Variants in PCDHGA10 observed in about 807,000 individuals in gnomAD.
PCDHGA10 encodes the protein protocadherin gamma subfamily A, 10.
PCDHGA10 carries 42 observed loss-of-function variants against 59.5 expected under a neutral mutation model. That is an observed-to-expected ratio of 0.71 (90% CI 0.55 to 0.91). The LOEUF (loss-of-function observed/expected upper bound fraction) is 0.91, where lower values mean the gene tolerates loss of function less well. PCDHGA10 is among the 40% of genes least tolerant of loss of function. The pLI is 0.00. For synonymous variants in PCDHGA10, 511 were observed against 517.2 expected (o/e 0.99, Z 0.16); for missense variants, 1,111 against 1,198.2 (o/e 0.93, Z 1.07).
chr5:141,503,400 A>C (rs2099819725), intron 2 of PCDHGA10, among the ~76,000 whole-genome samples: 1 of 151,750 alleles, frequency 6.6e-6, no homozygotes, highest in Non-Finnish European at 1.5e-5. Context: ...TTCGAAACCA[A>C]CCTGGCCAAT....
intron 1 of PCDHGA10, chr5:141,441,629 G>T: frequency 4.5e-6 from 1 of 224,156 alleles, no homozygotes; most frequent in Non-Finnish European, 9.0e-6. Flanking sequence ...GTGACCTGGA[G>T]CCACAGGCGC....
chr5:141,414,764 A>G lies in PCDHGA10; in HGVS notation c.1589A>G (p.His530Arg). 6.2e-7 allele frequency: 1 copy of G among 1,614,194 alleles called. No individual in the cohort carries two copies. Among genetic ancestry groups the G allele is most frequent in the Non-Finnish European group, 8.5e-7 (1 of 1,180,036 alleles). The change falls in exon 1 of 4, where the codon CAT becomes CGT. Residue 530 changes from histidine to arginine, a missense_variant. Transcript: ENST00000398610. ...ALRSFDYEQF[H>R]ELQMQVTASD... is the part of the protein sequence containing the mutation. Reference sequence around the variant, plus strand: ...AGATCCTTCGACTATGAGCAGTTTCATGAGCTACAGATGCAGGTGACAGCC... The same window carrying G: ...AGATCCTTCGACTATGAGCAGTTTCGTGAGCTACAGATGCAGGTGACAGCC...
intron 1 of PCDHGA10, chr5:141,421,138 G>T (rs2096548427): frequency 1.1e-6 from 1 of 899,466 alleles, no homozygotes. Context: ...ATATATTTTG[G>T]ATGTAGTCGG....
At chr5:141,481,860 G>A (rs1379910129) in intron 1 of PCDHGA10, among the ~76,000 whole-genome samples, 1 of 148,492 alleles carries the variant, frequency 6.7e-6, no homozygotes, top group Non-Finnish European at 1.5e-5. Context: ...GTTGCAGTGA[G>A]CCGAGATCGC....
At chr5:141,464,746 T>G (rs1317670068) in intron 1 of PCDHGA10, among the ~76,000 whole-genome samples, 1 of 152,220 alleles carries the variant, frequency 6.6e-6, no homozygotes, top group Non-Finnish European at 1.5e-5. Context: ...TATATCTTTT[T>G]GTTTTTTTAG....
rs35482758 is a variant in PCDHGA10, at chr5:141,473,653, G to A, written c.2437-21154G>A. On this transcript the variant is annotated intron_variant, in intron 1 of 3. Coordinates refer to ENST00000398610, the MANE Select transcript of PCDHGA10 (RefSeq NM_018913.3). ...AGCTTTCCTGGCAAAGGAACAATTT[G>A]TGTGAAGGCCCTGAGACAGGGAAGG... Among the ~76,000 whole-genome samples, 302 of 152,274 alleles carry A rather than the reference G, an allele frequency of 2.0e-3. 1 individual carries two copies. Among genetic ancestry groups the A allele is most frequent in the Middle Eastern group, 0.01 (3 of 294 alleles).
intron 1 of PCDHGA10, chr5:141,440,744 A>C (rs2098197850): frequency 6.6e-6 from 1 of 152,194 alleles, no homozygotes; most frequent in Non-Finnish European, 1.5e-5. Context: ...CTGCTTGACT[A>C]GGAAAAGCAG....
chr5:141,509,144 G>C (rs969990007), intron 3 of PCDHGA10, among the ~76,000 whole-genome samples: 14 of 152,114 alleles, frequency 9.2e-5, no homozygotes, highest in Admixed American at 2.0e-4. Context: ...GGCGCATCCC[G>C]GCTCTCCCCT....
intron 1 of PCDHGA10, among the ~76,000 whole-genome samples, chr5:141,482,053 C>G (rs2099551080): frequency 6.6e-6 from 1 of 150,558 alleles, no homozygotes; most frequent in Non-Finnish European, 1.5e-5. Flanking sequence ...CTGTTGCATT[C>G]CAGCCTGGGC....
At position 141,491,645 on chromosome 5, in the gene PCDHGA10, C is replaced by T; in HGVS notation, c.2437-3162C>T. On this transcript the variant is annotated intron_variant, in intron 1 of 3. Transcript: ENST00000398610. The surrounding 1 kb of genome is among the most constrained non-coding windows in gnomAD (Gnocchi z 6.9). ...AGCGTTCAGCAGCCCACAGCTCTGG[C>T]GCTGGAGCCTGACGCCATCCGGTCC... 1.2e-6 allele frequency: 2 copies of T among 1,613,890 alleles called. No homozygotes were observed. Among genetic ancestry groups the T allele is most frequent in the African/African-American group, 1.3e-5 (1 of 75,082 alleles).
At chr5:141,510,674 GGCAT>G (rs1388331907) in intron 3 of PCDHGA10, among the ~76,000 whole-genome samples, 6 of 152,132 alleles carry the variant, frequency 3.9e-5, no homozygotes, top group Non-Finnish European at 8.8e-5. Flanking sequence ...AAACTGAAGT[GGCAT>G]AAGGAGGTTA....
chr5:141,438,583 CATACATACATATATAT>C (rs1183800202), intron 1 of PCDHGA10, among the ~76,000 whole-genome samples: 1 of 57,610 alleles, frequency 1.7e-5, no homozygotes, highest in African/African-American at 9.0e-5. Context: ...TACATACATA[CATACATACATATATAT>C]ATATATATAT....
chr5:141,433,313 C>T (rs2097582516), intron 1 of PCDHGA10: 5 of 866,388 alleles, frequency 5.8e-6, no homozygotes, highest in Admixed American at 2.8e-5. Context: ...CCCACCTTTG[C>T]CTCCGGTGTA....
rs1223618064 is a variant in PCDHGA10 at position 141,512,867 on chromosome 5, C to T, written c.*1694C>T. On this transcript the variant is annotated 3_prime_UTR_variant, in exon 4 of 4. Transcript: ENST00000398610. The stretch of plus-strand genomic sequence containing the variant: ...ATAAGCGCTTCTCTTCGCATAGTCA[C>T]GTAGCTCCCACCCCACCCTCTTCCT... 1 of 152,184 alleles carries T rather than the reference C, an allele frequency of 6.6e-6. No homozygotes were observed. The highest frequency in any genetic ancestry group is 1.5e-5 in the Non-Finnish European group (1 of 68,056). The allele number at this position is 152,184 out of a possible 1,614,324, so 9.4% of individuals were successfully genotyped here. A position where few individuals can be genotyped will look rare whatever the true frequency, so the allele number is the denominator to read the frequency against.
intron 1 of PCDHGA10, among the ~76,000 whole-genome samples, chr5:141,481,761 G>A (rs984825493): frequency 2.6e-5 from 4 of 152,234 alleles, no homozygotes; most frequent in Non-Finnish European, 2.9e-5. Context: ...AGACCAGCCT[G>A]GCCAACATGG....
chr5:141,424,295 C>T (rs1481053072), intron 1 of PCDHGA10: 1 of 152,526 alleles, frequency 6.6e-6, no homozygotes, highest in East Asian at 1.9e-4. Flanking sequence ...TTTCTTCATC[C>T]TATCAACACA....
chr5:141,450,991 A>AT (rs1351194705), intron 1 of PCDHGA10, among the ~76,000 whole-genome samples: 1 of 150,700 alleles, frequency 6.6e-6, no homozygotes. Context: ...CACCCGGCTA[A>AT]TTTTTTTGTA....
chr5:141,477,644 T>A lies in PCDHGA10; in HGVS notation c.2437-17163T>A. On this transcript the variant is annotated intron_variant, in intron 1 of 3. Coordinates refer to ENST00000398610, the MANE Select transcript of PCDHGA10 (RefSeq NM_018913.3). The surrounding 1 kb of genome is among the most constrained non-coding windows in gnomAD (Gnocchi z 4.9). ...TGAAACCGGGCTAGTGGGTCGCTAT[T>A]TCACAATAAATCGTGACAATGGCAT... The A allele has an allele frequency of 6.2e-7, 1 of 1,614,200 alleles. No homozygotes were observed. Among genetic ancestry groups the A allele is most frequent in the Non-Finnish European group, 8.5e-7 (1 of 1,180,036 alleles).
intron 1 of PCDHGA10, among the ~76,000 whole-genome samples, chr5:141,471,039 A>G (rs1175460270): frequency 7.2e-6 from 1 of 137,964 alleles, no homozygotes; most frequent in Non-Finnish European, 1.5e-5. Context: ...TAACAAGCCC[A>G]AGCCCTCTTT....
Sources: allele counts gnomAD v4.1 joint callset (sites outside exome capture counted in the v4.1 genomes callset), GRCh38; gene constraint gnomAD v4.1.1; non-coding constraint Gnocchi (gnomAD v3.1); transcripts MANE v1.5; gene names NCBI Gene and HGNC (gene_info 2026-07-23, HGNC 2026-07-21).